NCOA3: variants seen among roughly 807,000 people sequenced by gnomAD.
NCOA3 encodes the protein CBP-interacting protein.
In NCOA3, 51 loss-of-function variants were observed where a neutral mutation model predicts 158.8. That is an observed-to-expected ratio of 0.32 (90% CI 0.26 to 0.41). NCOA3 has a LOEUF of 0.41. Among genes scored for constraint, NCOA3 ranks in the 10% least tolerant of loss-of-function variants. The pLI, the probability that NCOA3 is intolerant of heterozygous loss-of-function variation, is 1.00. For missense variants in NCOA3, 1,510 were observed against 1,746.6 expected (o/e 0.86, Z 2.41); for synonymous variants, 537 against 592.4 (o/e 0.91, Z 1.36).
intron 1 of NCOA3, among the ~76,000 whole-genome samples, chr20:47,526,330 G>A (rs574998806): frequency 6.6e-6 from 1 of 151,586 alleles, no homozygotes; most frequent in South Asian, 2.1e-4. Context: ...GCGGCCAGGC[G>A]GAGATGCTCC....
chr20:47,585,986 T>C (rs1212760552), intron 2 of NCOA3, among the ~76,000 whole-genome samples: 1 of 151,058 alleles, frequency 6.6e-6, no homozygotes, highest in Non-Finnish European at 1.5e-5. Context: ...AATGGCGCGA[T>C]CTTGTTTCAC....
rs57375716 is a variant in NCOA3 at position 47,603,753 on chromosome 20, C to A, written c.-19-18476C>A. On this transcript the variant is annotated intron_variant, in intron 2 of 22. Transcript: ENST00000371998. ...TCTGACCGTCCTCAGCCGAACTCCT[C>A]TTGGTGTTCAGATGTTCCTTCTCTT... Among the ~76,000 whole-genome samples the A allele has an allele frequency of 2.9e-3, 442 of 152,312 alleles. 9 individuals carry two copies. The East Asian group carries it at 0.056, about 19-fold the overall frequency.
rs72645285 is a variant in NCOA3 at position 47,643,035 on chromosome 20, C to A, written c.3252+651C>A. Among the ~76,000 whole-genome samples the A allele has an allele frequency of 9.2e-4, 140 of 152,302 alleles. 2 individuals carry two copies. Among genetic ancestry groups the A allele is most frequent in the African/African-American group, 3.2e-3 (133 of 41,570 alleles). On this transcript the variant is annotated intron_variant, in intron 17 of 22. Transcript: ENST00000371998. ...AAGTGATTCTCCTGCCTTAGCCTCG[C>A]GAGTAGCTGTGATTACAGGCACCCG...
chr20:47,525,552 C>T (rs1415664017), intron 1 of NCOA3, among the ~76,000 whole-genome samples: 19 of 143,574 alleles, frequency 1.3e-4, no homozygotes, highest in East Asian at 6.2e-4. Context: ...GGCGGCTGGC[C>T]GGACGGGGGG....
At chr20:47,550,467 TGGG>T (rs1220569439) in intron 1 of NCOA3, among the ~76,000 whole-genome samples, 1 of 101,924 alleles carries the variant, frequency 9.8e-6, no homozygotes, top group African/African-American at 3.7e-5. Context: ...AAAAAAAAGG[TGGG>T]GGGGTTTGAA....
At chr20:47,650,909 TG>T in intron 19 of NCOA3, 72 bp from the exon 20 acceptor site, 3 of 1,379,278 alleles carry the variant, frequency 2.2e-6, no homozygotes, top group Non-Finnish European at 3.1e-6. Flanking sequence ...TGGTGTATTG[TG>T]GGGGTACTAT....
At chr20:47,538,269 A>G (rs2084667109) in intron 1 of NCOA3, among the ~76,000 whole-genome samples, 1 of 152,208 alleles carries the variant, frequency 6.6e-6, no homozygotes, top group African/African-American at 2.4e-5. Context: ...GACTTGACAC[A>G]AGTCTTTTGG....
rs762258183 is a variant in NCOA3 at position 47,624,055 on chromosome 20, AAGAC to A, written c.232_235del (p.Gln78TyrfsTer4). The A allele has an allele frequency of 6.2e-7, 1 of 1,611,004 alleles. No individual in the cohort carries two copies. The highest frequency in any genetic ancestry group is 2.2e-5 in the East Asian group (1 of 44,836). ...AATGTGCGATTTTAAAGGAAACAGT[AAGAC>A]AGATACGTCAAATAAAAGAGCAAGG... is the stretch of plus-strand genomic sequence containing the variant. On this transcript the variant is annotated frameshift_variant, in exon 4 of 23. Coordinates refer to ENST00000371998, the MANE Select transcript of NCOA3 (RefSeq NM_181659.3). LOFTEE classifies it high-confidence loss of function.
chr20:47,622,286 T>C lies in NCOA3; in HGVS notation c.39T>C (p.Ser13=), dbSNP rs1404720096. 2 of 1,607,826 alleles carry C rather than the reference T, an allele frequency of 1.2e-6. No individual in the cohort carries two copies. The stretch of plus-strand genomic sequence containing the variant: ...GAGAAAACTTGGATCCACTGGCCAG[T>C]GATTCACGAAAACGCAAATTGCCAT... The part of the protein sequence containing the change: ...GLGENLDPLA[S]DSRKRKLPCD... Residue 13 remains serine (S), a synonymous_variant, in exon 3 of 23, where the codon AGT becomes AGC. Transcript: ENST00000371998.
chr20:47,503,484 C>T (rs72661175), intron 1 of NCOA3, among the ~76,000 whole-genome samples: 12 of 152,132 alleles, frequency 7.9e-5, no homozygotes, highest in South Asian at 2.1e-4. Flanking sequence ...GAGGCAAAGA[C>T]TGTTACTGGT....
intron 1 of NCOA3, among the ~76,000 whole-genome samples, chr20:47,540,880 T>C (rs1402324841): frequency 6.6e-6 from 1 of 152,194 alleles, no homozygotes; most frequent in Non-Finnish European, 1.5e-5. Context: ...GGGAAGGATG[T>C]AAATGAATTC....
At chr20:47,605,796 G>T (rs1178342620) in intron 2 of NCOA3, among the ~76,000 whole-genome samples, 1 of 152,088 alleles carries the variant, frequency 6.6e-6, no homozygotes, top group Admixed American at 6.5e-5. Context: ...TACAAAATTC[G>T]TATTTTATCT....
At position 47,626,964 on chromosome 20, in the gene NCOA3, C is replaced by G; in HGVS notation, c.358-38C>G. The G allele has an allele frequency of 2.0e-6, 3 of 1,527,576 alleles. No individual in the cohort carries two copies. The South Asian group carries it at 3.7e-5, about 19-fold the overall frequency. The allele number at this position is 1,527,576 out of a possible 1,614,324, so 94.6% of individuals were successfully genotyped here. A position where few individuals can be genotyped will look rare whatever the true frequency, so the allele number is the denominator to read the frequency against. ...GAATTAGAGGGAGGAGGATACAATT[C>G]AGTCCATAACAGCCTGTATTAACAT... On this transcript the variant is annotated intron_variant, in intron 5 of 22. Coordinates refer to ENST00000371998, the MANE Select transcript of NCOA3 (RefSeq NM_181659.3).
intron 1 of NCOA3, among the ~76,000 whole-genome samples, chr20:47,510,158 A>T (rs6125035): frequency 6.6e-6 from 1 of 151,918 alleles, no homozygotes; most frequent in Non-Finnish European, 1.5e-5. Context: ...CATGGCCAGG[A>T]GTGGTGGTTC....
In NCOA3 at chr20:47,655,029, T is replaced by C. The variant is rs990948272; in HGVS notation, c.*1612T>C. 2 of 152,206 alleles carry C rather than the reference T, an allele frequency of 1.3e-5. No individual in the cohort carries two copies. Among genetic ancestry groups the C allele is most frequent in the African/African-American group, 4.8e-5 (2 of 41,452 alleles). The allele number at this position is 152,206 out of a possible 1,614,324, so 9.4% of individuals were successfully genotyped here. On this transcript the variant is annotated 3_prime_UTR_variant, in exon 23 of 23. Coordinates refer to ENST00000371998, the MANE Select transcript of NCOA3 (RefSeq NM_181659.3). ...CAGCTGTCCCCTCATTCTACTAATG[T>C]GATGCTTTCATTATGTCCCTGTGGA...
At chr20:47,543,439 G>A (rs1434815681) in intron 1 of NCOA3, among the ~76,000 whole-genome samples, 7 of 151,988 alleles carry the variant, frequency 4.6e-5, no homozygotes, top group South Asian at 2.1e-4. Context: ...GACACATGAC[G>A]TCTGTTTTTC....
chr20:47,596,725 A>G (rs2085762138), intron 2 of NCOA3, among the ~76,000 whole-genome samples: 1 of 152,114 alleles, frequency 6.6e-6, no homozygotes, highest in Non-Finnish European at 1.5e-5. Context: ...AGCTGGGACT[A>G]CAGGCGCTTG....
chr20:47,636,540 C>G lies in NCOA3; in HGVS notation c.2154C>G (p.Asp718Glu). The change falls in exon 12 of 23, where the codon GAC becomes GAG. Residue 718 changes from aspartate (D) to glutamate (E), a missense_variant. Around this residue, in one of 4 missense-constraint regions of NCOA3, gnomAD observed 1,017 missense variants for 1,098.3 expected, o/e 0.93. Transcript: ENST00000371998. The part of the protein sequence containing the change: ...KDTSSITSCG[D>E]GNVVKQEQLS... The stretch of plus-strand genomic sequence containing the variant: ...CCAGCAGTATAACTTCTTGTGGGGA[C>G]GGAAATGTTGTCAAGCAGGAGCAGC... 1 of 1,614,070 alleles carries G rather than the reference C, an allele frequency of 6.2e-7. No individual in the cohort carries two copies. The highest frequency in any genetic ancestry group is 1.7e-5 in the Admixed American group (1 of 60,014).
intron 1 of NCOA3, among the ~76,000 whole-genome samples, chr20:47,540,183 TTTGGCTTGAAGATA>T (rs1285970520): frequency 5.9e-5 from 9 of 152,184 alleles, no homozygotes; most frequent in Non-Finnish European, 1.3e-4. Context: ...GTATGTCAAC[TTTGGCTTGAAGATA>T]GTCAACTTTG....
Sources: allele counts gnomAD v4.1 joint callset (sites outside exome capture counted in the v4.1 genomes callset), GRCh38; gene constraint gnomAD v4.1.1; regional missense constraint gnomAD v4.1.1; transcripts MANE v1.5; gene names NCBI Gene and HGNC (gene_info 2026-07-23, HGNC 2026-07-21).